The following QSOX1 variants were observed in gnomAD, a reference collection of about 807,000 sequenced individuals.
The protein encoded by QSOX1 is quiescin sulfhydryl oxidase 1.
Under a neutral mutation model 76.1 loss-of-function variants are expected in QSOX1, and 40 were observed. That is an observed-to-expected ratio of 0.53 (90% CI 0.41 to 0.68). QSOX1 has a LOEUF of 0.68. QSOX1 is among the 30% of genes least tolerant of loss of function. The pLI is 0.00. For synonymous variants in QSOX1, 392 were observed against 413.1 expected, an observed-to-expected ratio of 0.95 and a Z score of 0.62; for missense variants, 931 against 974.3, an observed-to-expected ratio of 0.96 and a Z score of 0.59.
chr1:180,161,508 T>TA (rs1465129338), intron 1 of QSOX1, among the ~76,000 whole-genome samples: 1 of 152,240 alleles, frequency 6.6e-6, no homozygotes, highest in Non-Finnish European at 1.5e-5. Flanking sequence ...AGAGAGCAGA[T>TA]ACTTATTGAA....
At chr1:180,187,407 A>G (rs1004381815) in intron 8 of QSOX1, among the ~76,000 whole-genome samples, 1 of 152,128 alleles carries the variant, frequency 6.6e-6, no homozygotes, top group Admixed American at 6.5e-5. Context: ...AAAATCCAGA[A>G]CTGACCCACG....
Position 180,194,353 on chromosome 1 carries a change from C to T in QSOX1, c.1429C>T (p.Leu477Phe). 1 of 1,593,906 alleles carries T rather than the reference C, an allele frequency of 6.3e-7. No homozygotes were observed. The highest frequency in any genetic ancestry group is 1.1e-5 in the South Asian group (1 of 88,376). Reference sequence around the variant, plus strand: ...GAGTCCCAACGCCGCTGTCCTCTGGCTCTGGTCTAGCCACAACAGGGTCAA... The same window carrying T: ...GAGTCCCAACGCCGCTGTCCTCTGGTTCTGGTCTAGCCACAACAGGGTCAA... ...VGSPNAAVLWLWSSHNRVNAR... is the reference protein window; with the variant it reads ...VGSPNAAVLWFWSSHNRVNAR... The change falls in exon 11 of 12, where the codon CTC (leucine) becomes TTC (phenylalanine). Residue 477 changes from leucine (L) to phenylalanine (F), a missense_variant. Transcript: ENST00000367602.
chr1:180,181,431 C>A (rs868319342), intron 5 of QSOX1, among the ~76,000 whole-genome samples: 1 of 152,182 alleles, frequency 6.6e-6, no homozygotes. Context: ...CGTTAAGAAA[C>A]GTTTTCAGAT....
intron 6 of QSOX1, among the ~76,000 whole-genome samples, chr1:180,183,600 C>G (rs1403444229): frequency 6.6e-6 from 1 of 152,176 alleles, no homozygotes; most frequent in Non-Finnish European, 1.5e-5. Flanking sequence ...ACCGGGCTGT[C>G]CCGTGCCTTT....
chr1:180,195,864 G>A (rs1038181791), intron 11 of QSOX1, among the ~76,000 whole-genome samples: 2 of 152,212 alleles, frequency 1.3e-5, no homozygotes, highest in South Asian at 2.1e-4. Flanking sequence ...CGAGCAGACC[G>A]ACCAAAGACT....
rs1485849913 is a variant in QSOX1, at chr1:180,197,462, AGCT to A, written c.*430_*432del. ...GTGGGCTGGAATGGAACTCCTCACT[AGCT>A]GCTGGGGCTCCGCCCACCCTGCTCC... On this transcript the variant is annotated 3_prime_UTR_variant, in exon 12 of 12. Coordinates refer to ENST00000367602, the MANE Select transcript of QSOX1 (RefSeq NM_002826.5). 6.9e-7 allele frequency: 1 copy of A among 1,448,030 alleles called. No homozygotes were observed. The highest frequency in any genetic ancestry group is 9.6e-7 in the Non-Finnish European group (1 of 1,041,388). 89.7% of individuals were successfully genotyped at this position (1,448,030 alleles called of 1,614,324 possible).
intron 10 of QSOX1, among the ~76,000 whole-genome samples, chr1:180,192,469 C>T (rs140316799): frequency 6.3e-4 from 96 of 152,294 alleles, no homozygotes; most frequent in African/African-American, 2.2e-3. Flanking sequence ...TGCATGCTCG[C>T]CCAGCAGTGG....
chr1:180,192,001 T>C (rs1663329896), intron 10 of QSOX1, among the ~76,000 whole-genome samples: 1 of 152,062 alleles, frequency 6.6e-6, no homozygotes, highest in Non-Finnish European at 1.5e-5. Context: ...TGTCCAAATT[T>C]CCTCTTCCTG....
At chr1:180,194,024 A>G (rs1663393382) in intron 10 of QSOX1, among the ~76,000 whole-genome samples, 189 bp from the exon 11 acceptor site, 1 of 152,096 alleles carries the variant, frequency 6.6e-6, no homozygotes, top group African/African-American at 2.4e-5. Flanking sequence ...GGTCTCCTGT[A>G]AAGTGACCAT....
chr1:180,194,996 C>CGGGGA (rs1553275521), intron 11 of QSOX1, among the ~76,000 whole-genome samples: 8 of 136,018 alleles, frequency 5.9e-5, no homozygotes, highest in African/African-American at 2.4e-4. Flanking sequence ...GACAGCCTCC[C>CGGGGA]GGGGGGGGGA....
intron 1 of QSOX1, among the ~76,000 whole-genome samples, chr1:180,161,734 A>T (rs904318997): frequency 1.3e-5 from 2 of 152,214 alleles, no homozygotes; most frequent in African/African-American, 4.8e-5. Flanking sequence ...CAAATTTAAA[A>T]ACCAGAAAAA....
Position 180,178,942 on chromosome 1 carries a change from T to C in QSOX1, c.606+58T>C. 17 of 1,501,608 alleles carry C rather than the reference T, an allele frequency of 1.1e-5. No individual in the cohort carries two copies. The South Asian group carries it at 1.9e-4, about 17-fold the overall frequency. 93.0% of individuals were successfully genotyped at this position (1,501,608 alleles called of 1,614,324 possible). On this transcript the variant is annotated intron_variant, in intron 5 of 11. Coordinates refer to ENST00000367602, the MANE Select transcript of QSOX1 (RefSeq NM_002826.5). The stretch of plus-strand genomic sequence containing the variant: ...GATAGCCATGGAGAGAGAGCCCCAG[T>C]TTGGGAGCAGGGCTTTTCCTGCCAA...
chr1:180,190,582 T>A lies in QSOX1; in HGVS notation c.1288+2T>A. On this transcript the variant is annotated splice_donor_variant, in intron 10 of 11. Coordinates refer to ENST00000367602, the MANE Select transcript of QSOX1 (RefSeq NM_002826.5). LOFTEE classifies it high-confidence loss of function. ...ATGTAGACCACTCACAGGAAGCAGG[T>A]ACGTCCAGGACCCGTTCACCCCACT... 6.2e-7 allele frequency: 1 copy of A among 1,613,010 alleles called. No homozygotes were observed. The highest frequency in any genetic ancestry group is 8.5e-7 in the Non-Finnish European group (1 of 1,179,366).
rs887046378 is a variant in QSOX1, at chr1:180,203,025, C to G, written c.*5988C>G. On this transcript the variant is annotated 3_prime_UTR_variant, in exon 12 of 12. Coordinates refer to ENST00000367602, the MANE Select transcript of QSOX1 (RefSeq NM_002826.5). ...GGTGGAGGTTGCAGTGAGCTGAGAT[C>G]GCGCCATTGCACTCCAGCCTGGGGG... The G allele has an allele frequency of 3.3e-5, 5 of 151,916 alleles. No individual in the cohort carries two copies. Among genetic ancestry groups the G allele is most frequent in the African/African-American group, 9.7e-5 (4 of 41,266 alleles). The allele number at this position is 151,916 out of a possible 1,614,324, so 9.4% of individuals were successfully genotyped here.
chr1:180,167,089 C>T (rs1323376111), intron 2 of QSOX1, among the ~76,000 whole-genome samples: 1 of 152,220 alleles, frequency 6.6e-6, no homozygotes, highest in Non-Finnish European at 1.5e-5. Flanking sequence ...GAAAGTGGCA[C>T]GAGATCTCTG....
intron 7 of QSOX1, among the ~76,000 whole-genome samples, chr1:180,184,878 G>C (rs569469551): frequency 1.3e-5 from 2 of 152,326 alleles, no homozygotes; most frequent in South Asian, 4.1e-4. Flanking sequence ...AAGGGAGAAG[G>C]AAAGAGAGAG....
chr1:180,190,797 T>C (rs963871666), intron 10 of QSOX1, among the ~76,000 whole-genome samples: 4 of 152,190 alleles, frequency 2.6e-5, no homozygotes, highest in Non-Finnish European at 5.9e-5. Flanking sequence ...GAGCAGACTT[T>C]AGGAATTCAA....
At position 180,189,578 on chromosome 1, in the gene QSOX1, G is replaced by C. The variant is rs752953260; in HGVS notation, c.1044G>C (p.Gln348His). 7 of 1,612,864 alleles carry C rather than the reference G, an allele frequency of 4.3e-6. No homozygotes were observed. In the African/African-American group the frequency reaches 9.4e-5, roughly 22 times the overall value. Residue 348 changes from glutamine (Q) to histidine (H), a missense_variant, in exon 9 of 12, where the codon CAG becomes CAC. Coordinates refer to ENST00000367602, the MANE Select transcript of QSOX1 (RefSeq NM_002826.5). ...AKYFPGRPLV[Q>H]NFLHSVNEWL... ...ATTTCCCTGGCCGGCCCTTAGTCCAGAACTTCCTGCACTCCGTGAATGAAT... is the reference window on the plus strand; with the variant it reads ...ATTTCCCTGGCCGGCCCTTAGTCCACAACTTCCTGCACTCCGTGAATGAAT...
Position 180,198,998 on chromosome 1 carries a change from T to C in QSOX1, c.*1961T>C, listed in dbSNP as rs1344023670. On this transcript the variant is annotated 3_prime_UTR_variant, in exon 12 of 12. Coordinates refer to ENST00000367602, the MANE Select transcript of QSOX1 (RefSeq NM_002826.5). The stretch of plus-strand genomic sequence containing the variant: ...ACGGTATTTCTAAAGCCAAACTTAG[T>C]TACCTAGAATTAGCGCCATGTTGGA... 2 of 157,644 alleles carry C rather than the reference T, an allele frequency of 1.3e-5. No homozygotes were observed. Among genetic ancestry groups the C allele is most frequent in the Non-Finnish European group, 2.8e-5 (2 of 71,208 alleles). 9.8% of individuals were successfully genotyped at this position (157,644 alleles called of 1,614,324 possible).
Sources: gnomAD v4.1 joint callset for allele counts (sites outside exome capture counted in the v4.1 genomes callset) on GRCh38, gnomAD v4.1.1 for gene constraint, MANE v1.5 for transcripts, NCBI Gene and HGNC (gene_info 2026-07-23, HGNC 2026-07-21) for gene names.